The following SRGAP3 variants were observed in gnomAD, a reference collection of about 807,000 sequenced individuals.
SRGAP3 encodes the protein SLIT-ROBO Rho GTPase-activating protein 3.
A neutral mutation model predicts 121.1 loss-of-function variants in SRGAP3; 39 were observed. The ratio of observed to expected loss-of-function variants is 0.32; its 90% CI spans 0.25 to 0.42. The LOEUF (loss-of-function observed/expected upper bound fraction) is 0.42. Among genes scored for constraint, SRGAP3 ranks in the 10% least tolerant of loss-of-function variants. The pLI, the probability that SRGAP3 is intolerant of heterozygous loss-of-function variation, is 1.00. For synonymous variants in SRGAP3, 601 were observed against 570.0 expected, an observed-to-expected ratio of 1.05 and a Z score of -0.77; for missense variants, 1,213 against 1,470.6, an observed-to-expected ratio of 0.82 and a Z score of 2.86.
At chr3:8,995,462 C>T (rs1439368645) in intron 18 of SRGAP3, among the ~76,000 whole-genome samples, 1 of 152,100 alleles carries the variant, frequency 6.6e-6, no homozygotes, top group Non-Finnish European at 1.5e-5. Flanking sequence ...GGTGACAGAG[C>T]AAGACCCTGT....
At chr3:9,315,434 T>G (rs1955327162) in intron 3 of SRGAP3, among the ~76,000 whole-genome samples, 1 of 152,194 alleles carries the variant, frequency 6.6e-6, no homozygotes, top group Non-Finnish European at 1.5e-5. Flanking sequence ...GAGGGTCATG[T>G]CTTCCAGTCC....
chr3:9,154,989 ATGTTTTT>A (rs916965828), intron 1 of SRGAP3, among the ~76,000 whole-genome samples: 110 of 147,024 alleles, frequency 7.5e-4, no homozygotes, highest in Admixed American at 1.4e-3. Flanking sequence ...GGTTTGTTTT[ATGTTTTT>A]TGTTTTTTGT....
At chr3:9,192,751 C>G (rs1163073738) in intron 1 of SRGAP3, 1 of 152,200 alleles carries the variant, frequency 6.6e-6, no homozygotes, top group Admixed American at 6.5e-5. Flanking sequence ...GGACCCCCAT[C>G]ACAGAGAGTC....
chr3:9,016,154 A>G (rs1943627412), intron 14 of SRGAP3, among the ~76,000 whole-genome samples: 1 of 152,238 alleles, frequency 6.6e-6, no homozygotes, highest in African/African-American at 2.4e-5. Context: ...ACCTAAGAAA[A>G]TTAACCATTC....
At chr3:9,180,834 C>T (rs1179350702) in intron 1 of SRGAP3, among the ~76,000 whole-genome samples, 1 of 152,088 alleles carries the variant, frequency 6.6e-6, no homozygotes, top group Non-Finnish European at 1.5e-5. Flanking sequence ...GCACCTCCTG[C>T]AAATGCCAGC....
chr3:9,227,651 A>G (rs1953038352), intron 1 of SRGAP3, among the ~76,000 whole-genome samples: 1 of 152,244 alleles, frequency 6.6e-6, no homozygotes, highest in African/African-American at 2.4e-5. Flanking sequence ...CTTTGGTGTT[A>G]AAATTATCAA....
Position 9,104,855 on chromosome 3 carries a change from A to G in SRGAP3, c.261-13T>C. 1 of 1,614,170 alleles carries G rather than the reference A, an allele frequency of 6.2e-7. No individual in the cohort carries two copies. The highest frequency in any genetic ancestry group is 8.5e-7 in the Non-Finnish European group (1 of 1,180,004). ...GTACTGGTCCTTCCTGTGGAAACCA[A>G]GAAAGCTCAGGTTGGCTACATTGGA... On this transcript the variant is annotated splice_polypyrimidine_tract_variant and intron_variant, in intron 2 of 21. Transcript: ENST00000383836.
intron 3 of SRGAP3, among the ~76,000 whole-genome samples, chr3:9,317,865 C>T (rs1371679222): frequency 6.6e-6 from 1 of 152,220 alleles, no homozygotes; most frequent in Non-Finnish European, 1.5e-5. Flanking sequence ...AGACATTGGA[C>T]ATATTCAAAG....
intron 3 of SRGAP3, among the ~76,000 whole-genome samples, chr3:9,279,595 C>A (rs1331974532): frequency 6.7e-6 from 1 of 150,244 alleles, no homozygotes. Flanking sequence ...CTCACAGCCA[C>A]CTCAACCTCC....
intron 3 of SRGAP3, among the ~76,000 whole-genome samples, chr3:9,098,957 T>G (rs1575071989): frequency 6.6e-6 from 1 of 152,084 alleles, no homozygotes; most frequent in Admixed American, 6.6e-5. Flanking sequence ...CTTGGCAGGG[T>G]GCCCACTCTG....
chr3:9,222,531 A>G (rs891878303), intron 1 of SRGAP3, among the ~76,000 whole-genome samples: 1 of 152,232 alleles, frequency 6.6e-6, no homozygotes, highest in Non-Finnish European at 1.5e-5. Flanking sequence ...AAAGCAAGGG[A>G]ACATGTTAGG....
intron 1 of SRGAP3, among the ~76,000 whole-genome samples, chr3:9,152,191 A>G (rs1950233835): frequency 6.6e-6 from 1 of 152,198 alleles, no homozygotes; most frequent in African/African-American, 2.4e-5. Context: ...TCCTTGTTAA[A>G]TCCTTATTAA....
At chr3:8,994,310 G>A (rs377039947) in intron 19 of SRGAP3, 33 bp downstream of exon 19, 27 of 1,612,428 alleles carry the variant, frequency 1.7e-5, no homozygotes, top group South Asian at 9.9e-5. Context: ...AATCTATTTC[G>A]GCATTCTTCA....
At chr3:9,262,246 C>T (rs1346240023) in intron 3 of SRGAP3, among the ~76,000 whole-genome samples, 3 of 152,138 alleles carry the variant, frequency 2.0e-5, no homozygotes, top group Non-Finnish European at 2.9e-5. Context: ...GTACCAGCCA[C>T]TGCAAAAACA....
At chr3:9,026,227 T>C (rs1944192339) in intron 13 of SRGAP3, among the ~76,000 whole-genome samples, 1 of 152,202 alleles carries the variant, frequency 6.6e-6, no homozygotes, top group Non-Finnish European at 1.5e-5. Context: ...GCACCTCCTC[T>C]CCTTTCCAGC....
At chr3:9,228,787 C>T (rs891772654) in intron 1 of SRGAP3, among the ~76,000 whole-genome samples, 10 of 152,162 alleles carry the variant, frequency 6.6e-5, no homozygotes, top group African/African-American at 2.4e-4. Context: ...CTAGGCCGGG[C>T]GCGGTGGGCT....
At chr3:9,152,358 C>T (rs1950238526) in intron 1 of SRGAP3, among the ~76,000 whole-genome samples, 1 of 152,252 alleles carries the variant, frequency 6.6e-6, no homozygotes, top group Non-Finnish European at 1.5e-5. Flanking sequence ...AGGGTGTCCA[C>T]TCATAGGCTG....
rs146702718 is a variant in SRGAP3 at position 8,987,609 on chromosome 3, C to T, written c.2887-1677G>A. Among the ~76,000 whole-genome samples, 791 of 124,200 alleles carry T rather than the reference C, an allele frequency of 6.4e-3. 6 individuals carry two copies. Among genetic ancestry groups the T allele is most frequent in the African/African-American group, 0.04 (748 of 18,538 alleles). 81.5% of individuals were successfully genotyped at this position (124,200 alleles called of 152,430 possible). A position where few individuals can be genotyped will look rare whatever the true frequency, so the allele number is the denominator to read the frequency against. ...CTGGCTGGGGTCAGGGCCCAGAGCT[C>T]TTGCTCCCCGCATTGTCACAGCCTG... is the stretch of plus-strand genomic sequence containing the variant. On this transcript the variant is annotated intron_variant, in intron 21 of 21. Coordinates refer to ENST00000383836, the MANE Select transcript of SRGAP3 (RefSeq NM_014850.4).
At chr3:9,050,395 C>T (rs1478779418) in intron 9 of SRGAP3, among the ~76,000 whole-genome samples, 2 of 152,194 alleles carry the variant, frequency 1.3e-5, no homozygotes, top group African/African-American at 2.4e-5. Context: ...CACTGGTTAG[C>T]GCAAATTACA....
Sources: allele counts gnomAD v4.1 joint callset (sites outside exome capture counted in the v4.1 genomes callset), GRCh38; gene constraint gnomAD v4.1.1; transcripts MANE v1.5; gene names NCBI Gene and HGNC (gene_info 2026-07-23, HGNC 2026-07-21).